RIPOR2: variants seen among roughly 807,000 people sequenced by gnomAD.
RIPOR2 encodes the protein RHO family interacting cell polarization regulator 2.
In RIPOR2, 39 loss-of-function variants were observed where a neutral mutation model predicts 114.5. The observed-to-expected ratio is 0.34, with a 90% CI of 0.26 to 0.44. RIPOR2 has a LOEUF of 0.44. RIPOR2 is among the 20% of genes least tolerant of loss of function. RIPOR2 has a pLI of 1.00. For missense variants in RIPOR2, 1,007 were observed against 1,255.1 expected, an observed-to-expected ratio of 0.80 and a Z score of 2.99; for synonymous variants, 445 against 484.4, an observed-to-expected ratio of 0.92 and a Z score of 1.07.
chr6:24,904,357 T>C (rs978820063), intron 1 of RIPOR2, among the ~76,000 whole-genome samples: 2 of 152,182 alleles, frequency 1.3e-5, no homozygotes, highest in South Asian at 2.1e-4. Context: ...CCTTCCTCCA[T>C]CTTCAAAGTC....
chr6:24,946,131 G>A (rs139926607), intron 1 of RIPOR2, among the ~76,000 whole-genome samples: 4,262 of 151,654 alleles, frequency 0.028, 210 homozygotes, highest in African/African-American at 0.093. Context: ...TGCCCAGGCT[G>A]GAGTGCAGTA....
intron 13 of RIPOR2, 174 bp from the exon 14 acceptor site, chr6:24,839,446 T>A (rs1721049118): frequency 1.4e-6 from 2 of 1,435,638 alleles, no homozygotes; most frequent in Non-Finnish European, 1.9e-6. Flanking sequence ...AGTACAACCA[T>A]GGATAAAATG....
intron 13 of RIPOR2, chr6:24,840,241 C>T (rs1210061403): frequency 9.9e-7 from 1 of 1,013,498 alleles, no homozygotes. Flanking sequence ...ACCGCACCTG[C>T]TCACAGCATA....
intron 1 of RIPOR2, among the ~76,000 whole-genome samples, chr6:24,952,569 T>C (rs1772831587): frequency 6.6e-6 from 1 of 152,194 alleles, no homozygotes; most frequent in Non-Finnish European, 1.5e-5. Context: ...ACAATCGATG[T>C]AAATAACCTC....
chr6:24,955,983 C>T (rs1046945556), intron 1 of RIPOR2, among the ~76,000 whole-genome samples: 2 of 145,874 alleles, frequency 1.4e-5, no homozygotes, highest in Non-Finnish European at 3.0e-5. Flanking sequence ...GCACTCCAGC[C>T]TGGGCGACAG....
intron 1 of RIPOR2, among the ~76,000 whole-genome samples, chr6:25,033,471 T>A (rs903333950): frequency 6.6e-6 from 1 of 152,134 alleles, no homozygotes; most frequent in Non-Finnish European, 1.5e-5. Flanking sequence ...GGTATCAGCA[T>A]TTTTCCAAGA....
intron 1 of RIPOR2, among the ~76,000 whole-genome samples, chr6:24,901,837 C>G (rs974578465): frequency 6.6e-6 from 1 of 152,158 alleles, no homozygotes; most frequent in African/African-American, 2.4e-5. Flanking sequence ...TGCTAACCAG[C>G]TAATCCATTC....
At chr6:24,996,938 A>T (rs988775758) in intron 1 of RIPOR2, among the ~76,000 whole-genome samples, 3 of 152,250 alleles carry the variant, frequency 2.0e-5, no homozygotes, top group African/African-American at 7.2e-5. Flanking sequence ...CTTGGAAATT[A>T]ATGACATTTT....
At chr6:24,963,999 C>T (rs930996772) in intron 1 of RIPOR2, among the ~76,000 whole-genome samples, 1 of 152,112 alleles carries the variant, frequency 6.6e-6, no homozygotes, top group Non-Finnish European at 1.5e-5. Flanking sequence ...TCCTCCCCTC[C>T]TCCTGCCTCC....
At chr6:24,840,648 A>G in intron 13 of RIPOR2, 1 of 1,532,816 alleles carries the variant, frequency 6.5e-7, no homozygotes, top group Non-Finnish European at 8.7e-7. Flanking sequence ...CTGACACTCA[A>G]GATGGCACAA....
intron 1 of RIPOR2, among the ~76,000 whole-genome samples, chr6:25,041,122 C>T (rs1338508908): frequency 6.6e-6 from 1 of 152,186 alleles, no homozygotes; most frequent in Admixed American, 6.5e-5. Context: ...AGAAAGTGAA[C>T]TATTCCTTAC....
chr6:24,911,375 G>T (rs1007116327), intron 1 of RIPOR2, among the ~76,000 whole-genome samples: 1 of 152,226 alleles, frequency 6.6e-6, no homozygotes, highest in Middle Eastern at 3.4e-3. Context: ...GGAGAGGGCA[G>T]AGGAAAGGAG....
At chr6:24,921,195 C>T (rs539898871) in intron 1 of RIPOR2, among the ~76,000 whole-genome samples, 27 of 152,210 alleles carry the variant, frequency 1.8e-4, no homozygotes, top group African/African-American at 6.5e-4. Context: ...CAGAGTCTTG[C>T]TCTGTCACCC....
Position 24,832,243 on chromosome 6 carries a change from G to A in RIPOR2, c.2344+13C>T. The A allele has an allele frequency of 6.4e-7, 1 of 1,551,170 alleles. No homozygotes were observed. The highest frequency in any genetic ancestry group is 1.2e-5 in the South Asian group (1 of 84,038). ...CATTTACGTGAATAGCGGTGTAACT[G>A]GCAGATACTTACCTTCCACAACAGA... is the stretch of plus-strand genomic sequence containing the variant. On this transcript the variant is annotated intron_variant, in intron 16 of 21. Transcript: ENST00000643898.
At position 25,012,730 on chromosome 6, in the gene RIPOR2, G is replaced by A. The variant is rs373351261; in HGVS notation, c.76+29121C>T. Among the ~76,000 whole-genome samples, 9 of 152,302 alleles carry A rather than the reference G, an allele frequency of 5.9e-5. No individual in the cohort carries two copies. The South Asian group carries it at 1.2e-3, about 21-fold the overall frequency. On this transcript the variant is annotated intron_variant, in intron 1 of 13. Transcript: ENST00000510784. ...GTGCTTGCCTATGGCTGGGGGAAGG[G>A]GAGATTGGAATGAGGAGTGCCTGCT... is the stretch of plus-strand genomic sequence containing the variant.
intron 1 of RIPOR2, among the ~76,000 whole-genome samples, chr6:24,997,677 A>G (rs1398406754): frequency 1.3e-5 from 2 of 152,190 alleles, no homozygotes; most frequent in Non-Finnish European, 2.9e-5. Context: ...AACATGTCCA[A>G]ATGTTCCCTG....
chr6:24,983,441 A>C (rs1044018921), intron 1 of RIPOR2, among the ~76,000 whole-genome samples: 1 of 152,096 alleles, frequency 6.6e-6, no homozygotes, highest in African/African-American at 2.4e-5. Context: ...CCCAGTACCC[A>C]TTCTCCACTT....
At chr6:24,865,517 T>C (rs2113851523) in intron 6 of RIPOR2, 67 bp from the exon 7 acceptor site, 1 of 1,310,198 alleles carries the variant, frequency 7.6e-7, no homozygotes, top group African/African-American at 1.5e-5. Flanking sequence ...AGATCATTGT[T>C]ACATGCTTAA....
At chr6:24,865,182 A>G (rs528447729) in intron 7 of RIPOR2, 119 bp downstream of exon 7, 3 of 794,608 alleles carry the variant, frequency 3.8e-6, no homozygotes, top group East Asian at 5.5e-5. Context: ...AGTAAAACCT[A>G]TCTTTCTAGA....
Sources: allele counts gnomAD v4.1 joint callset (sites outside exome capture counted in the v4.1 genomes callset), GRCh38; gene constraint gnomAD v4.1.1; transcripts MANE v1.5; gene names NCBI Gene and HGNC (gene_info 2026-07-23, HGNC 2026-07-21).